RFC1: variants seen among roughly 807,000 people sequenced by gnomAD.
RFC1 encodes A1 140 kDa subunit.
In RFC1, 37 loss-of-function variants were observed where a neutral mutation model predicts 137.4. The ratio of observed to expected loss-of-function variants is 0.27; its 90% CI spans 0.21 to 0.35. RFC1 has a LOEUF of 0.35. Among genes scored for constraint, RFC1 ranks in the 10% least tolerant of loss-of-function variants. RFC1 has a pLI of 1.00. For synonymous variants in RFC1, 429 were observed against 455.7 expected, an observed-to-expected ratio of 0.94 and a Z score of 0.75; for missense variants, 1,205 against 1,358.5, an observed-to-expected ratio of 0.89 and a Z score of 1.78.
intron 21 of RFC1, among the ~76,000 whole-genome samples, chr4:39,298,412 C>T (rs1179295013): frequency 2.0e-5 from 3 of 150,688 alleles, no homozygotes; most frequent in Non-Finnish European, 4.4e-5. Flanking sequence ...ATTAGGCTTT[C>T]TGGAAGCGTC....
intron 21 of RFC1, 66 bp from the exon 22 acceptor site, chr4:39,295,825 T>C: frequency 2.7e-6 from 4 of 1,473,040 alleles, no homozygotes; most frequent in Non-Finnish European, 3.7e-6. Flanking sequence ...TAATAGTCAT[T>C]GGCTTCCAAA....
chr4:39,346,670 A>G (rs1238939951), intron 2 of RFC1, among the ~76,000 whole-genome samples: 2 of 152,242 alleles, frequency 1.3e-5, no homozygotes, highest in Admixed American at 6.5e-5. Flanking sequence ...CTTCAAAAAC[A>G]TAAGAACAAT....
In RFC1 at chr4:39,351,985, G is replaced by T. The variant is rs927550090; in HGVS notation, c.4-509C>A. 8.4e-5 allele frequency among the ~76,000 whole-genome samples: 12 copies of T among 143,444 alleles called. No homozygotes were observed. In the South Asian group the frequency reaches 2.0e-3, roughly 24 times the overall value. 94.1% of individuals were successfully genotyped at this position (143,444 alleles called of 152,430 possible). ...CCGTCTCAAAAAAAAAAAAAAAAAA[G>T]AATAATTTGTCTAATAAAGAGTAAT... is the stretch of plus-strand genomic sequence containing the variant. On this transcript the variant is annotated intron_variant, in intron 1 of 24. Transcript: ENST00000349703.
chr4:39,345,238 C>T (rs556001809), intron 3 of RFC1, among the ~76,000 whole-genome samples, 163 bp downstream of exon 3: 2 of 152,294 alleles, frequency 1.3e-5, no homozygotes, highest in African/African-American at 4.8e-5. Context: ...TGGTCTCGAA[C>T]TCCTGACCTC....
intron 12 of RFC1, among the ~76,000 whole-genome samples, chr4:39,309,971 T>C (rs549837745): frequency 4.2e-4 from 64 of 152,220 alleles, no homozygotes; most frequent in Non-Finnish European, 7.8e-4. Context: ...ATAGTCACTT[T>C]ACTAGTGAAG....
At position 39,366,232 on chromosome 4, in the gene RFC1, G is replaced by T. The variant is rs897940069; in HGVS notation, c.3+7C>A. 1.9e-6 allele frequency: 3 copies of T among 1,551,886 alleles called. No individual in the cohort carries two copies. Among genetic ancestry groups the T allele is most frequent in the Non-Finnish European group, 2.6e-6 (3 of 1,147,840 alleles). On this transcript the variant is annotated splice_region_variant and intron_variant, in intron 1 of 24. Coordinates refer to ENST00000349703, the MANE Select transcript of RFC1 (RefSeq NM_002913.5). ...CCCGAGCCGCACGGCCTCCCCCAGC[G>T]GCTCACCATCGCAGCCCCAGGATGA... is the stretch of plus-strand genomic sequence containing the variant.
In RFC1 at chr4:39,289,828, T is replaced by C. The variant is rs1737570288; in HGVS notation, c.3360+20A>G. ...GATCATCTATTTTGAGGTTCTCCTG[T>C]CTGTGGCTTAAAATACTACCTTGAT... On this transcript the variant is annotated intron_variant, in intron 24 of 24. Coordinates refer to ENST00000349703, the MANE Select transcript of RFC1 (RefSeq NM_002913.5). 1.9e-6 allele frequency: 3 copies of C among 1,561,782 alleles called. No individual in the cohort carries two copies.
chr4:39,341,103 G>C (rs1215165442), intron 4 of RFC1, among the ~76,000 whole-genome samples: 1 of 152,196 alleles, frequency 6.6e-6, no homozygotes, highest in African/African-American at 2.4e-5. Context: ...TCTGTGATCA[G>C]AGCTTAAATT....
At position 39,323,366 on chromosome 4, in the gene RFC1, A is replaced by G. The variant is rs1258885808; in HGVS notation, c.694T>C (p.Leu232=). ...DEEFARTLAM[L]DEEPKTKKAR... ...TTTTTGGTCTTGGGTTCTTCATCCA[A>G]CATGGCTAATGTTCTGGCAAACTCT... The change falls in exon 7 of 25, where the codon TTG becomes CTG. Residue 232 remains leucine, a synonymous_variant. Coordinates refer to ENST00000349703, the MANE Select transcript of RFC1 (RefSeq NM_002913.5). 5 of 1,614,086 alleles carry G rather than the reference A, an allele frequency of 3.1e-6. No homozygotes were observed. Among genetic ancestry groups the G allele is most frequent in the African/African-American group, 1.3e-5 (1 of 75,052 alleles).
chr4:39,293,393 A>C (rs1737795893), intron 22 of RFC1, among the ~76,000 whole-genome samples: 1 of 152,138 alleles, frequency 6.6e-6, no homozygotes, highest in Non-Finnish European at 1.5e-5. Flanking sequence ...AATTCCCCTA[A>C]AAGTGTTTTC....
At chr4:39,290,441 A>G (rs1737610536) in intron 23 of RFC1, among the ~76,000 whole-genome samples, 1 of 152,154 alleles carries the variant, frequency 6.6e-6, no homozygotes, top group African/African-American at 2.4e-5. Flanking sequence ...AGGTCACTTC[A>G]AGTCATCATG....
chr4:39,351,966 CAAA>C (rs570668838), intron 1 of RFC1, among the ~76,000 whole-genome samples: 3 of 57,858 alleles, frequency 5.2e-5, no homozygotes, highest in Non-Finnish European at 7.6e-5. Flanking sequence ...GACTCCGTCT[CAAA>C]AAAAAAAAAA....
chr4:39,355,465 G>A (rs1159292095), intron 1 of RFC1, among the ~76,000 whole-genome samples: 2 of 151,940 alleles, frequency 1.3e-5, no homozygotes, highest in Non-Finnish European at 2.9e-5. Flanking sequence ...TTGTAAAAGG[G>A]TTCCTACAAA....
intron 1 of RFC1, among the ~76,000 whole-genome samples, chr4:39,365,169 A>AAAAAAAAAAAAAAAG: frequency 6.6e-6 from 1 of 151,152 alleles, no homozygotes; most frequent in African/African-American, 2.4e-5. Flanking sequence ...AAAAAAAAAA[A>AAAAAAAAAAAAAAAG]AAAAAAACCA....
At chr4:39,352,327 G>C (rs1741251524) in intron 1 of RFC1, among the ~76,000 whole-genome samples, 1 of 152,158 alleles carries the variant, frequency 6.6e-6, no homozygotes, top group East Asian at 1.9e-4. Context: ...AACCTTTGAT[G>C]CTTATTACAA....
At chr4:39,329,638 T>C (rs1010213120) in intron 4 of RFC1, among the ~76,000 whole-genome samples, 1 of 151,852 alleles carries the variant, frequency 6.6e-6, no homozygotes, top group Admixed American at 6.6e-5. Context: ...CTCAGGAGGC[T>C]AAGGCAGTAG....
chr4:39,301,660 G>C (rs753946322), intron 19 of RFC1, among the ~76,000 whole-genome samples: 1 of 152,092 alleles, frequency 6.6e-6, no homozygotes, highest in East Asian at 1.9e-4. Context: ...AAAATAAAGC[G>C]TATAGGCCAG....
chr4:39,327,319 G>A (rs75020342), intron 5 of RFC1, among the ~76,000 whole-genome samples: 9 of 152,064 alleles, frequency 5.9e-5, no homozygotes, highest in South Asian at 2.1e-4. Flanking sequence ...ATCTTTTCCC[G>A]CTTTCAAGAA....
chr4:39,353,397 CAAA>C lies in RFC1; in HGVS notation c.4-1924_4-1922del, dbSNP rs11416030. Among the ~76,000 whole-genome samples, 66 of 63,530 alleles carry C rather than the reference CAAA, an allele frequency of 1.0e-3. No individual in the cohort carries two copies. The South Asian group carries it at 0.021, about 20-fold the overall frequency. The allele number at this position is 63,530 out of a possible 152,430, so 41.7% of individuals were successfully genotyped here. A position where few individuals can be genotyped will look rare whatever the true frequency, so the allele number is the denominator to read the frequency against. The stretch of plus-strand genomic sequence containing the variant: ...CCTGGGCGACAGAACGAGACTGTCT[CAAA>C]AAAAAAAAAAAAAAAAAAAATTAAA... On this transcript the variant is annotated intron_variant, in intron 1 of 24. Transcript: ENST00000349703.
Sources: allele counts gnomAD v4.1 joint callset (sites outside exome capture counted in the v4.1 genomes callset), GRCh38; gene constraint gnomAD v4.1.1; transcripts MANE v1.5; gene names NCBI Gene and HGNC (gene_info 2026-07-23, HGNC 2026-07-21).